PAFAH1B2: variants seen among roughly 807,000 people sequenced by gnomAD.
The protein encoded by PAFAH1B2 is platelet activating factor acetylhydrolase 1b catalytic subunit 2.
A neutral mutation model predicts 28.0 loss-of-function variants in PAFAH1B2; 8 were observed. The ratio of observed to expected loss-of-function variants is 0.29; its 90% CI spans 0.17 to 0.52. The LOEUF is 0.52. PAFAH1B2 is among the 20% of genes least tolerant of loss of function. PAFAH1B2 has a pLI of 0.97. For synonymous variants in PAFAH1B2, 104 were observed against 103.2 expected (o/e 1.01, Z -0.05); for missense variants, 190 against 282.6 (o/e 0.67, Z 2.35).
At chr11:117,154,483 T>C (rs1956220207) in intron 2 of PAFAH1B2, among the ~76,000 whole-genome samples, 1 of 152,122 alleles carries the variant, frequency 6.6e-6, no homozygotes, top group Admixed American at 6.6e-5. Context: ...AGTGGCACCA[T>C]TACAGCTTGC....
At chr11:117,172,392 ATATATATATATATTTTTTTTTT>A (rs1956687680), downstream of PAFAH1B2, among the ~76,000 whole-genome samples, 2 of 1,924 alleles carry the variant, frequency 1.0e-3, no homozygotes, top group South Asian at 0.018. Flanking sequence ...ATATATATAT[ATATATATATATATTTTTTTTTT>A]TTTTTTTTTT....
At chr11:117,172,716 A>AT (rs1667196766), downstream of PAFAH1B2, among the ~76,000 whole-genome samples, 3 of 151,814 alleles carry the variant, frequency 2.0e-5, no homozygotes, top group Admixed American at 2.0e-4. Context: ...CTCTATTTTT[A>AT]TTTTTTGGAA....
chr11:117,151,035 C>T (rs1258296869), intron 1 of PAFAH1B2, among the ~76,000 whole-genome samples: 2 of 150,972 alleles, frequency 1.3e-5, no homozygotes, highest in African/African-American at 4.9e-5. Context: ...AACCGCAAAA[C>T]CCCAGATTTT....
At chr11:117,172,339 A>G (rs1956666353), downstream of PAFAH1B2, among the ~76,000 whole-genome samples, 1 of 121,348 alleles carries the variant, frequency 8.2e-6, no homozygotes, top group Non-Finnish European at 1.7e-5. Context: ...TTGCTGGTTC[A>G]TTCTAGCTTT....
rs1956560134 is a variant in PAFAH1B2, at chr11:117,168,399, TATTCCCCTTCATGCCCCCC to T, written c.*701_*719del. On this transcript the variant is annotated 3_prime_UTR_variant, in exon 6 of 6. Transcript: ENST00000527958. ...ACCCGTGCATGCAGCCTTTCCTCCTTATTCCCCTTCATGCCCCCCTTTCCCCTTCATTCCCCCCGCCACC... is the reference window on the plus strand; with the variant it reads ...ACCCGTGCATGCAGCCTTTCCTCCTTTTTCCCCTTCATTCCCCCCGCCACC... The T allele has an allele frequency of 9.6e-7, 1 of 1,046,110 alleles. No homozygotes were observed. Among genetic ancestry groups the T allele is most frequent in the Admixed American group, 5.7e-5 (1 of 17,630 alleles). 64.8% of individuals were successfully genotyped at this position (1,046,110 alleles called of 1,614,324 possible). A position where few individuals can be genotyped will look rare whatever the true frequency, so the allele number is the denominator to read the frequency against.
Position 117,160,139 on chromosome 11 carries a change from T to C in PAFAH1B2, c.171+116T>C. 5 of 779,786 alleles carry C rather than the reference T, an allele frequency of 6.4e-6. No individual in the cohort carries two copies. In the East Asian group the frequency reaches 7.3e-5, roughly 11 times the overall value. The allele number at this position is 779,786 out of a possible 1,614,324, so 48.3% of individuals were successfully genotyped here. ...TTTGTGACTCTTAGAGAAGCCCTAATTGAGGTTATAAGAGAATCAAAGCTA... is the reference window on the plus strand; with the variant it reads ...TTTGTGACTCTTAGAGAAGCCCTAACTGAGGTTATAAGAGAATCAAAGCTA... On this transcript the variant is annotated intron_variant, in intron 3 of 5. Coordinates refer to ENST00000527958, the MANE Select transcript of PAFAH1B2 (RefSeq NM_002572.4).
chr11:117,170,589 A>C lies in PAFAH1B2; in HGVS notation c.*2890A>C. The C allele has an allele frequency of 9.6e-7, 1 of 1,042,832 alleles. No individual in the cohort carries two copies. The highest frequency in any genetic ancestry group is 1.2e-6 in the Non-Finnish European group (1 of 867,184). The allele number at this position is 1,042,832 out of a possible 1,614,324, so 64.6% of individuals were successfully genotyped here. A position where few individuals can be genotyped will look rare whatever the true frequency, so the allele number is the denominator to read the frequency against. On this transcript the variant is annotated 3_prime_UTR_variant, in exon 6 of 6. Coordinates refer to ENST00000527958, the MANE Select transcript of PAFAH1B2 (RefSeq NM_002572.4). Reference sequence around the variant, plus strand: ...CCTTAACCCAACAAAACAAATCTTGAGTAGCTCATGCCCGGCTCTTAGGAA... The same window carrying C: ...CCTTAACCCAACAAAACAAATCTTGCGTAGCTCATGCCCGGCTCTTAGGAA...
intron 1 of PAFAH1B2, among the ~76,000 whole-genome samples, chr11:117,151,286 G>C (rs1374792201): frequency 1.4e-5 from 2 of 144,764 alleles, no homozygotes; most frequent in Non-Finnish European, 3.0e-5. Flanking sequence ...CTGGAGTGCA[G>C]TGGTGTGATT....
In PAFAH1B2 at chr11:117,169,284, A is replaced by G. The variant is rs192067458; in HGVS notation, c.*1585A>G. 1.1e-5 allele frequency: 11 copies of G among 1,041,410 alleles called. No homozygotes were observed. The highest frequency in any genetic ancestry group is 4.4e-4 in the Middle Eastern group (1 of 2,260). 64.5% of individuals were successfully genotyped at this position (1,041,410 alleles called of 1,614,324 possible). A position where few individuals can be genotyped will look rare whatever the true frequency, so the allele number is the denominator to read the frequency against. On this transcript the variant is annotated 3_prime_UTR_variant, in exon 6 of 6. Transcript: ENST00000527958. Reference sequence around the variant, plus strand: ...TTGTTGATCTTAATGTTCGAGCTATATAAGAACTGCCATTAAAAAAAATGG... The same window carrying G: ...TTGTTGATCTTAATGTTCGAGCTATGTAAGAACTGCCATTAAAAAAAATGG...
chr11:117,166,089 C>T (rs7931335), intron 5 of PAFAH1B2, among the ~76,000 whole-genome samples: 110,727 of 151,998 alleles, frequency 0.73, 41,261 homozygotes, highest in Non-Finnish European at 0.82. Context: ...GTGATCTGCC[C>T]GCCTCATCCT....
rs1956563615 is a variant in PAFAH1B2 at position 117,168,445 on chromosome 11, CGTT to C, written c.*747_*749del. On this transcript the variant is annotated 3_prime_UTR_variant, in exon 6 of 6. Coordinates refer to ENST00000527958, the MANE Select transcript of PAFAH1B2 (RefSeq NM_002572.4). ...TTCCCCTTCATTCCCCCCGCCACCC[CGTT>C]TTTTTTTTTTTTTTTTTTTTTTTGG... The C allele has an allele frequency of 2.8e-5, 10 of 354,300 alleles. No homozygotes were observed. Among genetic ancestry groups the C allele is most frequent in the South Asian group, 1.0e-4 (1 of 9,812 alleles). The allele number at this position is 354,300 out of a possible 1,614,324, so 21.9% of individuals were successfully genotyped here. A position where few individuals can be genotyped will look rare whatever the true frequency, so the allele number is the denominator to read the frequency against.
At chr11:117,152,597 T>G (rs1956176743) in intron 2 of PAFAH1B2, 69 bp downstream of exon 2, 2 of 1,146,954 alleles carry the variant, frequency 1.7e-6, no homozygotes, top group Non-Finnish European at 2.6e-6. Flanking sequence ...TTTGTTTTAG[T>G]TTTTGAGACA....
chr11:117,162,076 T>G (rs1264397021), intron 4 of PAFAH1B2, among the ~76,000 whole-genome samples: 2 of 152,192 alleles, frequency 1.3e-5, no homozygotes, highest in Non-Finnish European at 2.9e-5. Context: ...GCACACTGTA[T>G]ATAATTGTTT....
chr11:117,156,410 A>T (rs757244605), intron 2 of PAFAH1B2, among the ~76,000 whole-genome samples: 17 of 152,196 alleles, frequency 1.1e-4, no homozygotes, highest in Non-Finnish European at 2.2e-4. Flanking sequence ...AGATCACTGG[A>T]CTGGAAAGTA....
At chr11:117,175,347 T>C (rs563117051), downstream of PAFAH1B2, 23 of 1,069,210 alleles carry the variant, frequency 2.2e-5, no homozygotes, top group Admixed American at 8.5e-4. Context: ...TCTCTCCCAG[T>C]GGACAGACCT....
At chr11:117,177,843 C>T (rs1044538921), downstream of PAFAH1B2, among the ~76,000 whole-genome samples, 14 of 152,162 alleles carry the variant, frequency 9.2e-5, no homozygotes, top group Admixed American at 6.5e-4. Flanking sequence ...GCTCTATATA[C>T]TGTTTATTTA....
At chr11:117,173,658 C>T (rs1956720231), downstream of PAFAH1B2, among the ~76,000 whole-genome samples, 1 of 152,182 alleles carries the variant, frequency 6.6e-6, no homozygotes. Context: ...AAAGTCCGTC[C>T]TTTTTCCGTA....
At chr11:117,159,788 G>T (rs1326903748) in intron 2 of PAFAH1B2, 146 bp from the exon 3 acceptor site, 8 of 580,182 alleles carry the variant, frequency 1.4e-5, no homozygotes, top group African/African-American at 1.1e-4. Flanking sequence ...ATGGGATCTT[G>T]ATATATTACC....
rs1565276220 is a variant in PAFAH1B2 at position 117,169,627 on chromosome 11, G to A, written c.*1928G>A. ...TTAAAAAATACATACTTTTTTGAAT[G>A]TATCATGTCTTCATTAACAACAGAA... is the stretch of plus-strand genomic sequence containing the variant. On this transcript the variant is annotated 3_prime_UTR_variant, in exon 6 of 6. Transcript: ENST00000527958. 5.7e-6 allele frequency: 6 copies of A among 1,050,074 alleles called. No homozygotes were observed. Among genetic ancestry groups the A allele is most frequent in the Non-Finnish European group, 6.9e-6 (6 of 868,616 alleles). The allele number at this position is 1,050,074 out of a possible 1,614,324, so 65.0% of individuals were successfully genotyped here. A position where few individuals can be genotyped will look rare whatever the true frequency, so the allele number is the denominator to read the frequency against.
Sources: gnomAD v4.1 joint callset for allele counts (sites outside exome capture counted in the v4.1 genomes callset) on GRCh38, gnomAD v4.1.1 for gene constraint, MANE v1.5 for transcripts, NCBI Gene and HGNC (gene_info 2026-07-23, HGNC 2026-07-21) for gene names.